Variants in EPB41 observed in about 807,000 individuals in gnomAD.
The protein encoded by EPB41 is protein 4.1.
Under a neutral mutation model 108.0 loss-of-function variants are expected in EPB41, and 65 were observed. The ratio of observed to expected loss-of-function variants is 0.60; its 90% CI spans 0.49 to 0.74. The LOEUF is 0.74. EPB41 is among the 30% of genes least tolerant of loss of function. The probability of loss-of-function intolerance (pLI) is 0.00; values close to 1 mark genes in which losing one functional copy is unlikely to be tolerated. For missense variants in EPB41, 875 were observed against 1,037.0 expected, an observed-to-expected ratio of 0.84 and a Z score of 2.15; for synonymous variants, 336 against 358.9, an observed-to-expected ratio of 0.94 and a Z score of 0.72.
At chr1:28,958,882 C>A (rs2985317) in intron 1 of EPB41, among the ~76,000 whole-genome samples, 66,475 of 148,972 alleles carry the variant, frequency 0.45, 17,296 homozygotes, top group East Asian at 0.85. Context: ...TTAAGCAAAG[C>A]TGTCCAATAT....
intron 7 of EPB41, among the ~76,000 whole-genome samples, chr1:29,020,885 T>C (rs1236528236): frequency 7.2e-5 from 11 of 152,030 alleles, no homozygotes. Flanking sequence ...ATCTCAAACT[T>C]CCAGCCTCAA....
intron 16 of EPB41, among the ~76,000 whole-genome samples, chr1:29,066,349 G>C (rs1391042549): frequency 9.9e-5 from 15 of 151,596 alleles, no homozygotes; most frequent in African/African-American, 3.4e-4. Flanking sequence ...AACCTGGGAG[G>C]CGGAGATTGC....
chr1:28,960,112 C>T (rs987935520), intron 1 of EPB41, among the ~76,000 whole-genome samples: 3 of 150,736 alleles, frequency 2.0e-5, no homozygotes, highest in African/African-American at 7.3e-5. Flanking sequence ...AGTTAGTCTT[C>T]CTGCCTCAGC....
At chr1:29,017,574 A>T (rs190316334) in intron 6 of EPB41, among the ~76,000 whole-genome samples, 3 of 152,242 alleles carry the variant, frequency 2.0e-5, no homozygotes, top group Admixed American at 2.0e-4. Flanking sequence ...AAGGTGGCTA[A>T]TAGTATGTAG....
At chr1:29,098,332 C>G (rs1228061940) in intron 17 of EPB41, among the ~76,000 whole-genome samples, 2 of 152,064 alleles carry the variant, frequency 1.3e-5, no homozygotes, top group Non-Finnish European at 2.9e-5. Context: ...GTAGCTGGGA[C>G]TACAGGTGCC....
intron 4 of EPB41, among the ~76,000 whole-genome samples, chr1:29,000,600 C>A (rs1305449431): frequency 6.6e-6 from 1 of 152,192 alleles, no homozygotes; most frequent in Admixed American, 6.5e-5. Context: ...AATCTGGCTT[C>A]AACTTCCCTG....
chr1:28,960,563 C>CAAA (rs397860826), intron 1 of EPB41, among the ~76,000 whole-genome samples: 5 of 46,844 alleles, frequency 1.1e-4, no homozygotes, highest in East Asian at 4.4e-4. Flanking sequence ...CTCGTCTCTA[C>CAAA]AAAAAAAAAA....
chr1:29,021,185 A>G (rs2096639937), intron 7 of EPB41, among the ~76,000 whole-genome samples: 1 of 152,220 alleles, frequency 6.6e-6, no homozygotes, highest in South Asian at 2.1e-4. Context: ...AAGGTGGTCT[A>G]CAGACCCTGG....
At chr1:29,080,201 C>T (rs1411755334) in intron 16 of EPB41, among the ~76,000 whole-genome samples, 1 of 151,506 alleles carries the variant, frequency 6.6e-6, no homozygotes, top group Non-Finnish European at 1.5e-5. Flanking sequence ...TCATTACAAC[C>T]TCTCCCTCCC....
At chr1:28,901,478 C>G (rs2147914486) in intron 1 of EPB41, among the ~76,000 whole-genome samples, 1 of 152,116 alleles carries the variant, frequency 6.6e-6, no homozygotes, top group African/African-American at 2.4e-5. Context: ...GAGCCTCAGC[C>G]TCCCAAAGTG....
chr1:29,078,922 C>T (rs1392902339), intron 16 of EPB41, among the ~76,000 whole-genome samples: 1 of 151,966 alleles, frequency 6.6e-6, no homozygotes, highest in Non-Finnish European at 1.5e-5. Flanking sequence ...ATAAAGAAAC[C>T]ACAATTCCCA....
intron 1 of EPB41, among the ~76,000 whole-genome samples, chr1:28,922,215 G>A (rs552684364): frequency 1.3e-5 from 2 of 151,536 alleles, no homozygotes; most frequent in Admixed American, 6.6e-5. Context: ...TGGTCCGCCC[G>A]CCTTGGCCTC....
intron 1 of EPB41, among the ~76,000 whole-genome samples, chr1:28,917,882 A>G (rs915753544): frequency 1.1e-4 from 16 of 151,714 alleles, no homozygotes; most frequent in Admixed American, 5.9e-4. Flanking sequence ...GACATGAGTC[A>G]CTGTGCCCAG....
At chr1:29,091,849 C>A (rs954926607) in intron 16 of EPB41, among the ~76,000 whole-genome samples, 1 of 152,112 alleles carries the variant, frequency 6.6e-6, no homozygotes, top group Admixed American at 6.6e-5. Context: ...CAGTTTGAGA[C>A]GCTTTTGAGT....
chr1:28,913,123 C>A (rs1407277826), upstream of EPB41, among the ~76,000 whole-genome samples: 6 of 152,080 alleles, frequency 3.9e-5, no homozygotes, highest in Non-Finnish European at 1.5e-5. Flanking sequence ...GTCCCAGCTA[C>A]TTGGACATAT....
chr1:28,995,386 AC>A (rs1233835722), intron 3 of EPB41, among the ~76,000 whole-genome samples: 4 of 151,990 alleles, frequency 2.6e-5, no homozygotes, highest in Non-Finnish European at 5.9e-5. Flanking sequence ...ACATGGTGAA[AC>A]CCCGTCTCTA....
In EPB41 at chr1:28,925,499, G is replaced by A. The variant is rs556972371; in HGVS notation, c.-8+10731G>A. On this transcript the variant is annotated intron_variant, in intron 1 of 20. Transcript: ENST00000343067. Reference sequence around the variant, plus strand: ...GACATCAGATTTTAGTGAGGATCAGGGAAAGTAGAATGGGAGACAGTGAGG... The same window carrying A: ...GACATCAGATTTTAGTGAGGATCAGAGAAAGTAGAATGGGAGACAGTGAGG... Among the ~76,000 whole-genome samples the A allele has an allele frequency of 2.0e-5, 3 of 152,218 alleles. No homozygotes were observed. The South Asian group carries it at 6.2e-4, about 32-fold the overall frequency.
chr1:28,925,994 G>C (rs1490323470), intron 1 of EPB41, among the ~76,000 whole-genome samples: 1 of 151,920 alleles, frequency 6.6e-6, no homozygotes, highest in African/African-American at 2.4e-5. Context: ...TGGGAGGATT[G>C]TTTGAGCCCA....
At chr1:29,077,420 T>C (rs1285283981) in intron 16 of EPB41, among the ~76,000 whole-genome samples, 1 of 152,118 alleles carries the variant, frequency 6.6e-6, no homozygotes, top group Non-Finnish European at 1.5e-5. Flanking sequence ...AAAAAGCTCT[T>C]ATGTATTTAC....
Sources: allele counts gnomAD v4.1 joint callset (sites outside exome capture counted in the v4.1 genomes callset), GRCh38; gene constraint gnomAD v4.1.1; transcripts MANE v1.5; gene names NCBI Gene and HGNC (gene_info 2026-07-23, HGNC 2026-07-21).